DACH2: variants seen among roughly 807,000 people sequenced by gnomAD.
DACH2 encodes the protein dachshund family transcription factor 2.
Under a neutral mutation model 35.8 loss-of-function variants are expected in DACH2, and 17 were observed. The ratio of observed to expected loss-of-function variants is 0.48; its 90% CI spans 0.33 to 0.71. The LOEUF is 0.71. DACH2 is among the 30% of genes least tolerant of loss of function. The pLI is 0.02. For missense variants in DACH2, 469 were observed against 472.7 expected (o/e 0.99, Z 0.07); for synonymous variants, 195 against 177.3 (o/e 1.10, Z -0.79).
chrX:86,416,968 C>A (rs752733870), intron 2 of DACH2, among the ~76,000 whole-genome samples: 14 of 108,308 alleles, frequency 1.3e-4, no homozygotes, highest in Non-Finnish European at 2.7e-4. Flanking sequence ...GTCGTGGACA[C>A]CTGTAGTCCC....
chrX:86,198,781 C>T (rs895652984), intron 1 of DACH2, among the ~76,000 whole-genome samples: 129 of 110,534 alleles, frequency 1.2e-3, no homozygotes, highest in African/African-American at 4.1e-3. Context: ...AAATAACCTA[C>T]CAGCCAATAA....
At chrX:86,433,599 C>T (rs1183971696) in intron 2 of DACH2, among the ~76,000 whole-genome samples, 2 of 111,400 alleles carry the variant, frequency 1.8e-5, no homozygotes, top group Non-Finnish European at 3.8e-5. Flanking sequence ...GGAAATGGAG[C>T]TTTGTTTTTT....
rs2037418550 is a variant in DACH2 at position 86,453,464 on chromosome X, T to A, written c.528-60815T>A. On this transcript the variant is annotated intron_variant, in intron 2 of 11. Coordinates refer to ENST00000373125, the MANE Select transcript of DACH2 (RefSeq NM_053281.3). The stretch of plus-strand genomic sequence containing the variant: ...GGGAGTATAAGTTTTTTTGTAGGTC[T>A]CTAAGAACTTGCTTTATGAATCTGG... Among the ~76,000 whole-genome samples, 3 of 111,754 alleles carry A rather than the reference T, an allele frequency of 2.7e-5. No individual in the cohort carries two copies. The Admixed American group carries it at 2.9e-4, about 11-fold the overall frequency.
chrX:86,388,963 T>G (rs965546420), intron 2 of DACH2, among the ~76,000 whole-genome samples: 3 of 111,177 alleles, frequency 2.7e-5, no homozygotes, highest in Non-Finnish European at 5.7e-5. Flanking sequence ...AATACAGACT[T>G]TAAGGCTTAT....
At chrX:86,258,192 C>G (rs921020271) in intron 1 of DACH2, among the ~76,000 whole-genome samples, 1 of 111,739 alleles carries the variant, frequency 8.9e-6, no homozygotes, top group Non-Finnish European at 1.9e-5. Context: ...CACCATCATA[C>G]AATTCTTTTT....
chrX:86,293,114 A>G (rs1457226735), intron 1 of DACH2, among the ~76,000 whole-genome samples: 5 of 95,353 alleles, frequency 5.2e-5, no homozygotes, highest in African/African-American at 2.0e-4. Flanking sequence ...GTGCTCCTGT[A>G]TTGGGTGCAT....
chrX:86,417,207 C>A (rs1244119221), intron 2 of DACH2, among the ~76,000 whole-genome samples: 1 of 109,904 alleles, frequency 9.1e-6, no homozygotes, highest in Non-Finnish European at 1.9e-5. Context: ...AGGAATCTGA[C>A]CCCATGACCC....
intron 11 of DACH2, among the ~76,000 whole-genome samples, chrX:86,826,594 C>T (rs1352888784): frequency 2.7e-5 from 3 of 111,665 alleles, no homozygotes; most frequent in Non-Finnish European, 5.7e-5. Context: ...TTCCTACTTT[C>T]GAATTAGTAA....
chrX:86,625,209 AGTGTGTGTGTGTGTGTGTGTGT>A (rs72281959), intron 3 of DACH2, among the ~76,000 whole-genome samples: 5,322 of 85,456 alleles, frequency 0.062, 365 homozygotes, highest in African/African-American at 0.2. Context: ...AAACCTTCTT[AGTGTGTGTGTGTGTGTGTGTGT>A]GTGTGTGTGT....
intron 1 of DACH2, among the ~76,000 whole-genome samples, chrX:86,273,082 AT>A (rs1383716932): frequency 2.7e-5 from 3 of 111,973 alleles, no homozygotes; most frequent in African/African-American, 6.5e-5. Context: ...AGACAAACCA[AT>A]TATATGATAA....
chrX:86,732,368 C>T (rs999649113), intron 6 of DACH2, among the ~76,000 whole-genome samples: 1 of 111,938 alleles, frequency 8.9e-6, no homozygotes, highest in African/African-American at 3.2e-5. Context: ...ATTGCTTTGT[C>T]CAAAACACAG....
At chrX:86,568,634 T>C (rs1350486747) in intron 3 of DACH2, among the ~76,000 whole-genome samples, 1 of 111,214 alleles carries the variant, frequency 9.0e-6, no homozygotes, top group Admixed American at 9.6e-5. Context: ...TTCTATAGAT[T>C]ATATGGATGA....
At chrX:86,793,070 G>A (rs2042202237) in intron 7 of DACH2, among the ~76,000 whole-genome samples, 1 of 110,514 alleles carries the variant, frequency 9.0e-6, no homozygotes, top group South Asian at 3.8e-4. Context: ...GCCATTCTAA[G>A]ATGACATCTC....
intron 2 of DACH2, among the ~76,000 whole-genome samples, chrX:86,404,404 G>A (rs1236318822): frequency 1.8e-5 from 2 of 111,961 alleles, no homozygotes; most frequent in East Asian, 2.8e-4. Flanking sequence ...CCAAATGGGA[G>A]GAATTGGCCA....
In DACH2 at chrX:86,746,905, A is replaced by G. The variant is rs151160288; in HGVS notation, c.1240+7023A>G. ...TTGTGTTAGATAGGGGACCAACTTCATTATTTTGCATTTGAACATTCAATC... is the reference window on the plus strand; with the variant it reads ...TTGTGTTAGATAGGGGACCAACTTCGTTATTTTGCATTTGAACATTCAATC... On this transcript the variant is annotated intron_variant, in intron 7 of 11. Transcript: ENST00000373125. Among the ~76,000 whole-genome samples the G allele has an allele frequency of 2.5e-3, 273 of 111,271 alleles. 3 individuals carry two copies. In the East Asian group the frequency reaches 0.026, roughly 11 times the overall value.
chrX:86,205,423 TTCCCTCCCTCCTCCC>T (rs2032262239), intron 1 of DACH2, among the ~76,000 whole-genome samples: 1 of 56,908 alleles, frequency 1.8e-5, no homozygotes, highest in Non-Finnish European at 3.3e-5. Context: ...CCTTCCTTCC[TTCCCTCCCTCCTCCC>T]TCCCTCCCTC....
At chrX:86,513,620 TA>T (rs1277846952) in intron 2 of DACH2, among the ~76,000 whole-genome samples, 3 of 112,274 alleles carry the variant, frequency 2.7e-5, no homozygotes, top group East Asian at 5.6e-4. Flanking sequence ...ACTCATTAGT[TA>T]AAAACACCAA....
chrX:86,829,788 T>TC (rs2042596075), intron 11 of DACH2: 1 of 112,213 alleles, frequency 8.9e-6, no homozygotes, highest in Non-Finnish European at 1.9e-5. Flanking sequence ...TGTATCAAAT[T>TC]CCCCTTTTTA....
At chrX:86,452,476 C>T (rs1271893240) in intron 2 of DACH2, among the ~76,000 whole-genome samples, 1 of 110,994 alleles carries the variant, frequency 9.0e-6, no homozygotes, top group Non-Finnish European at 1.9e-5. Context: ...GGTTGGTAGG[C>T]TAGTTATTAC....
Sources: allele counts gnomAD v4.1 joint callset (sites outside exome capture counted in the v4.1 genomes callset), GRCh38; gene constraint gnomAD v4.1.1; transcripts MANE v1.5; gene names NCBI Gene and HGNC (gene_info 2026-07-23, HGNC 2026-07-21).